MAP4K3: variants seen among roughly 807,000 people sequenced by gnomAD.
MAP4K3 encodes mitogen-activated protein kinase kinase kinase kinase 3.
In MAP4K3, 94 loss-of-function variants were observed where a neutral mutation model predicts 143.5. The ratio of observed to expected loss-of-function variants is 0.65; its 90% CI spans 0.55 to 0.78. MAP4K3 has a LOEUF of 0.78. Among genes scored for constraint, MAP4K3 ranks in the 30% least tolerant of loss-of-function variants. The pLI is 0.00. For synonymous variants in MAP4K3, 416 were observed against 347.2 expected (o/e 1.20, Z -2.20); for missense variants, 1,077 against 1,068.1 (o/e 1.01, Z -0.12).
At chr2:39,275,429 C>T (rs1228857961) in intron 24 of MAP4K3, among the ~76,000 whole-genome samples, 1 of 152,174 alleles carries the variant, frequency 6.6e-6, no homozygotes, top group Non-Finnish European at 1.5e-5. Context: ...CTGCAGTGAG[C>T]TGTGTTCACG....
chr2:39,415,020 T>G (rs1344542534), intron 1 of MAP4K3, among the ~76,000 whole-genome samples: 1 of 152,244 alleles, frequency 6.6e-6, no homozygotes, highest in African/African-American at 2.4e-5. Context: ...AACAATTTTT[T>G]AGAGAACTGA....
In MAP4K3 at chr2:39,259,424, AC is replaced by A. The variant is rs376963525; in HGVS notation, c.2309-838del. On this transcript the variant is annotated intron_variant, in intron 29 of 33. Coordinates refer to ENST00000263881, the MANE Select transcript of MAP4K3 (RefSeq NM_003618.4). ...TACTACATACTCAATGATCACTCTT[AC>A]CAATACCCCTAGTGAAGTGATGGAA... Among the ~76,000 whole-genome samples the A allele has an allele frequency of 1.3e-4, 20 of 152,296 alleles. 1 individual carries two copies. In the South Asian group the frequency reaches 4.1e-3, roughly 32 times the overall value.
At chr2:39,344,706 C>T (rs1476332772) in intron 3 of MAP4K3, among the ~76,000 whole-genome samples, 1 of 151,990 alleles carries the variant, frequency 6.6e-6, no homozygotes, top group Non-Finnish European at 1.5e-5. Flanking sequence ...GATGAAAATA[C>T]CTAGGAAAAT....
At chr2:39,252,453 T>C (rs1299507027) in intron 32 of MAP4K3, among the ~76,000 whole-genome samples, 4 of 152,252 alleles carry the variant, frequency 2.6e-5, no homozygotes, top group Non-Finnish European at 4.4e-5. Context: ...GTGGGTATAA[T>C]GCCTAGCTAA....
intron 1 of MAP4K3, among the ~76,000 whole-genome samples, chr2:39,428,490 T>C (rs1470530133): frequency 1.3e-5 from 2 of 151,600 alleles, no homozygotes; most frequent in Admixed American, 6.6e-5. Flanking sequence ...CTGGCCAACA[T>C]GGCGAAACTC....
intron 13 of MAP4K3, among the ~76,000 whole-genome samples, chr2:39,312,245 G>T (rs767302721): frequency 1.3e-4 from 19 of 151,964 alleles, no homozygotes; most frequent in Admixed American, 6.6e-5. Context: ...GAATGTTTCA[G>T]TATCTTTACC....
At chr2:39,368,716 A>G (rs1665993556) in intron 2 of MAP4K3, among the ~76,000 whole-genome samples, 1 of 152,016 alleles carries the variant, frequency 6.6e-6, no homozygotes, top group African/African-American at 2.4e-5. Flanking sequence ...AAAGTTAAAT[A>G]AAATAGTTCT....
At chr2:39,274,363 C>T (rs921576944) in intron 24 of MAP4K3, among the ~76,000 whole-genome samples, 4 of 151,786 alleles carry the variant, frequency 2.6e-5, no homozygotes, top group African/African-American at 9.7e-5. Flanking sequence ...ACTACAGGCG[C>T]CCGCCACCAC....
chr2:39,420,502 G>C (rs1269579712), intron 1 of MAP4K3, among the ~76,000 whole-genome samples: 3 of 151,826 alleles, frequency 2.0e-5, no homozygotes, highest in East Asian at 3.9e-4. Flanking sequence ...CAGCAGCCTT[G>C]AACTCCTGGG....
chr2:39,377,185 G>A (rs531185024), intron 2 of MAP4K3, among the ~76,000 whole-genome samples: 19 of 85,150 alleles, frequency 2.2e-4, no homozygotes, highest in Admixed American at 1.6e-3. Context: ...AAAGTCTAAA[G>A]TATTGGCTAT....
rs1166807227 is a variant in MAP4K3, at chr2:39,315,290, T to C, written c.997+20A>G. ...TATTTTCTATCATTAAATCATAAAC[T>C]GTGTATAGTATATACTTACAGGTTA... is the stretch of plus-strand genomic sequence containing the variant. On this transcript the variant is annotated intron_variant, in intron 13 of 33. Transcript: ENST00000263881. 4.1e-6 allele frequency: 6 copies of C among 1,459,792 alleles called. No homozygotes were observed. The African/African-American group carries it at 7.1e-5, about 17-fold the overall frequency. 90.4% of individuals were successfully genotyped at this position (1,459,792 alleles called of 1,614,324 possible).
intron 15 of MAP4K3, among the ~76,000 whole-genome samples, chr2:39,303,950 G>C (rs1017717420): frequency 6.6e-6 from 1 of 152,198 alleles, no homozygotes; most frequent in Non-Finnish European, 1.5e-5. Context: ...AGTTAAGACG[G>C]ATGTGTAATA....
chr2:39,332,076 T>A, intron 7 of MAP4K3, 87 bp from the exon 8 acceptor site: 1 of 658,748 alleles, frequency 1.5e-6, no homozygotes, highest in South Asian at 2.8e-5. Flanking sequence ...TAAAAGTTAT[T>A]TTTATTAAGT....
chr2:39,314,366 ATATT>A (rs1357519469), intron 13 of MAP4K3, among the ~76,000 whole-genome samples: 4 of 152,238 alleles, frequency 2.6e-5, no homozygotes, highest in African/African-American at 9.6e-5. Context: ...AATGATAAAG[ATATT>A]TCATAATTAT....
chr2:39,251,809 T>C, intron 33 of MAP4K3, 21 bp downstream of exon 33: 4 of 1,606,156 alleles, frequency 2.5e-6, no homozygotes, highest in Non-Finnish European at 3.4e-6. Flanking sequence ...ACTGTGTATT[T>C]AATACAGTCC....
At chr2:39,366,591 C>T (rs1003335238) in intron 2 of MAP4K3, among the ~76,000 whole-genome samples, 3 of 152,158 alleles carry the variant, frequency 2.0e-5, no homozygotes, top group Non-Finnish European at 4.4e-5. Flanking sequence ...CCATCATGGC[C>T]TGAATTTTTC....
intron 15 of MAP4K3, among the ~76,000 whole-genome samples, chr2:39,304,934 T>G (rs1487807307): frequency 2.6e-5 from 4 of 152,154 alleles, no homozygotes; most frequent in Non-Finnish European, 5.9e-5. Context: ...ATTACGAAAT[T>G]ATGCTAAGTA....
At chr2:39,304,429 T>G (rs928241873) in intron 15 of MAP4K3, among the ~76,000 whole-genome samples, 3 of 152,132 alleles carry the variant, frequency 2.0e-5, no homozygotes, top group African/African-American at 7.2e-5. Context: ...CCACAAGCAT[T>G]TGTAAGAGAT....
chr2:39,266,580 A>C (rs552297954), intron 27 of MAP4K3, among the ~76,000 whole-genome samples: 1 of 152,198 alleles, frequency 6.6e-6, no homozygotes, highest in South Asian at 2.1e-4. Context: ...AATCTGCCTT[A>C]TTTTGAGGCC....
Sources: gnomAD v4.1 joint callset for allele counts (sites outside exome capture counted in the v4.1 genomes callset) on GRCh38, gnomAD v4.1.1 for gene constraint, MANE v1.5 for transcripts, NCBI Gene and HGNC (gene_info 2026-07-23, HGNC 2026-07-21) for gene names.